The following UBE2R2 variants were observed in gnomAD, a reference collection of about 807,000 sequenced individuals.
UBE2R2 encodes the protein ubiquitin-conjugating enzyme E2 R2.
UBE2R2 carries 1 observed loss-of-function variant against 27.8 expected under a neutral mutation model. The ratio of observed to expected loss-of-function variants is 0.04; its 90% CI spans 0.01 to 0.17. The LOEUF (loss-of-function observed/expected upper bound fraction) is 0.17. Among genes scored for constraint, UBE2R2 ranks in the 10% least tolerant of loss-of-function variants. The pLI is 1.00. For synonymous variants in UBE2R2, 106 were observed against 113.3 expected (o/e 0.94, Z 0.41); for missense variants, 100 against 291.0 (o/e 0.34, Z 4.78).
intron 1 of UBE2R2, among the ~76,000 whole-genome samples, chr9:33,856,791 C>G (rs1273331043): frequency 6.6e-6 from 1 of 151,196 alleles, no homozygotes; most frequent in Non-Finnish European, 1.5e-5. Context: ...ACTGTAAAAC[C>G]CCTTTACTTC....
intron 1 of UBE2R2, among the ~76,000 whole-genome samples, chr9:33,879,884 T>G (rs1042068843): frequency 6.7e-6 from 1 of 150,252 alleles, no homozygotes. Flanking sequence ...TGTTTGTTTG[T>G]TTGGTTTTGT....
chr9:33,912,073 G>A lies in UBE2R2; in HGVS notation c.472G>A (p.Asp158Asn). The A allele has an allele frequency of 6.2e-7, 1 of 1,610,632 alleles. No individual in the cohort carries two copies. The highest frequency in any genetic ancestry group is 8.5e-7 in the Non-Finnish European group (1 of 1,178,762). The change falls in exon 4 of 5, where the codon GAC (aspartate) becomes AAC (asparagine). Residue 158 changes from aspartate to asparagine, a missense_variant. Asp to Asn is a conservative substitution (Grantham distance 23). Transcript: ENST00000263228. Reference sequence around the variant, plus strand: ...GAAATGGAGAGACAGTAAAGGAAAAGACAAAGAATATGCTGAAATTATTAG... The same window carrying A: ...GAAATGGAGAGACAGTAAAGGAAAAAACAAAGAATATGCTGAAATTATTAG... ...FRKWRDSKGK[D>N]KEYAEIIRKQ... is the part of the protein sequence containing the mutation.
At chr9:33,903,039 C>T (rs188737516) in intron 3 of UBE2R2, among the ~76,000 whole-genome samples, 113 of 151,730 alleles carry the variant, frequency 7.4e-4, no homozygotes, top group African/African-American at 2.3e-3. Context: ...GCGGAGGTTG[C>T]GGTGAGCCAG....
At chr9:33,900,925 C>T (rs986284004) in intron 3 of UBE2R2, among the ~76,000 whole-genome samples, 5 of 151,958 alleles carry the variant, frequency 3.3e-5, no homozygotes, top group Non-Finnish European at 7.4e-5. Flanking sequence ...CTCTCTGTCT[C>T]TGTCTCTCTC....
At chr9:33,870,868 G>T (rs1286521967) in intron 1 of UBE2R2, among the ~76,000 whole-genome samples, 1 of 152,108 alleles carries the variant, frequency 6.6e-6, no homozygotes, top group Non-Finnish European at 1.5e-5. Flanking sequence ...AAAACTGAGA[G>T]TTGTCCTTGA....
intron 3 of UBE2R2, among the ~76,000 whole-genome samples, chr9:33,906,031 G>A (rs1486126612): frequency 6.6e-6 from 1 of 152,218 alleles, no homozygotes; most frequent in Non-Finnish European, 1.5e-5. Context: ...GTGCACATGT[G>A]CATACATGCA....
chr9:33,827,948 G>A (rs992690095), intron 1 of UBE2R2, among the ~76,000 whole-genome samples: 5 of 151,252 alleles, frequency 3.3e-5, no homozygotes, highest in African/African-American at 4.8e-5. Flanking sequence ...TCCAGCCTGG[G>A]CGACATAGCA....
intron 1 of UBE2R2, among the ~76,000 whole-genome samples, chr9:33,876,424 A>G (rs930205413): frequency 6.6e-6 from 1 of 152,218 alleles, no homozygotes; most frequent in Admixed American, 6.5e-5. Context: ...AGATAGAGAT[A>G]AAATTGTATA....
In UBE2R2 at chr9:33,917,377, T is replaced by G; in HGVS notation, c.*140T>G. On this transcript the variant is annotated 3_prime_UTR_variant, in exon 5 of 5. Coordinates refer to ENST00000263228, the MANE Select transcript of UBE2R2 (RefSeq NM_017811.4). The stretch of plus-strand genomic sequence containing the variant: ...CACACACAGCTCCTGCTGACTCCCC[T>G]TATGGATCTCAGTTTGCTCCTTTTT... 7.6e-7 allele frequency: 1 copy of G among 1,311,858 alleles called. No homozygotes were observed. The highest frequency in any genetic ancestry group is 1.0e-6 in the Non-Finnish European group (1 of 964,722). The allele number at this position is 1,311,858 out of a possible 1,614,324, so 81.3% of individuals were successfully genotyped here.
At chr9:33,874,406 A>G (rs569912519) in intron 1 of UBE2R2, among the ~76,000 whole-genome samples, 3 of 152,268 alleles carry the variant, frequency 2.0e-5, no homozygotes, top group South Asian at 2.1e-4. Flanking sequence ...TATATCAGTC[A>G]TAAAGAAGTT....
chr9:33,861,703 C>T (rs965785947), intron 1 of UBE2R2, among the ~76,000 whole-genome samples: 27 of 152,052 alleles, frequency 1.8e-4, no homozygotes, highest in African/African-American at 5.3e-4. Context: ...TGTACTTTTT[C>T]AAAAGCAGTA....
chr9:33,906,876 A>G (rs941920257), intron 3 of UBE2R2, among the ~76,000 whole-genome samples: 2 of 152,120 alleles, frequency 1.3e-5, no homozygotes, highest in Non-Finnish European at 2.9e-5. Flanking sequence ...ATCTCTACCA[A>G]AAAAATTAGC....
chr9:33,833,821 G>A (rs932946776), intron 1 of UBE2R2, among the ~76,000 whole-genome samples: 1 of 152,066 alleles, frequency 6.6e-6, no homozygotes, highest in Non-Finnish European at 1.5e-5. Flanking sequence ...TCATTCTCTG[G>A]TAATCTCAAT....
Position 33,917,702 on chromosome 9 carries a change from TAAAAAA to T in UBE2R2, c.*475_*480del. On this transcript the variant is annotated 3_prime_UTR_variant, in exon 5 of 5. Coordinates refer to ENST00000263228, the MANE Select transcript of UBE2R2 (RefSeq NM_017811.4). The stretch of plus-strand genomic sequence containing the variant: ...GGAAAAAAACCCACAAAACAAACTT[TAAAAAA>T]AAAAAAAAACAAATTTGCCAAGGTT... 1 of 149,828 alleles carries T rather than the reference TAAAAAA, an allele frequency of 6.7e-6. No individual in the cohort carries two copies. Among genetic ancestry groups the T allele is most frequent in the Non-Finnish European group, 1.4e-5 (1 of 71,752 alleles). The allele number at this position is 149,828 out of a possible 1,614,324, so 9.3% of individuals were successfully genotyped here.
intron 1 of UBE2R2, among the ~76,000 whole-genome samples, chr9:33,877,766 A>G (rs920844079): frequency 2.0e-5 from 3 of 150,124 alleles, no homozygotes; most frequent in Non-Finnish European, 4.4e-5. Context: ...AAAATTAGCA[A>G]TATATAAAAC....
At chr9:33,827,640 TAA>T (rs138908540) in intron 1 of UBE2R2, among the ~76,000 whole-genome samples, 1 of 145,496 alleles carries the variant, frequency 6.9e-6, no homozygotes, top group African/African-American at 2.5e-5. Context: ...AAATTCCATC[TAA>T]AAAAAAAAAT....
chr9:33,831,219 A>C (rs1198423171), intron 1 of UBE2R2: 1 of 151,954 alleles, frequency 6.6e-6, no homozygotes, highest in African/African-American at 2.4e-5. Context: ...AGGCTGGTGG[A>C]TCTCTTGAGC....
chr9:33,846,638 A>G (rs1426917498), intron 1 of UBE2R2, among the ~76,000 whole-genome samples: 2 of 152,208 alleles, frequency 1.3e-5, no homozygotes, highest in African/African-American at 4.8e-5. Context: ...GTAATTTTGT[A>G]GTATATCATG....
intron 1 of UBE2R2, among the ~76,000 whole-genome samples, chr9:33,878,669 C>T (rs760432879): frequency 2.0e-5 from 3 of 152,104 alleles, no homozygotes; most frequent in Admixed American, 6.6e-5. Flanking sequence ...AAATACATTG[C>T]GAGGGATGCC....
Sources: gnomAD v4.1 joint callset for allele counts (sites outside exome capture counted in the v4.1 genomes callset) on GRCh38, gnomAD v4.1.1 for gene constraint, MANE v1.5 for transcripts, NCBI Gene and HGNC (gene_info 2026-07-23, HGNC 2026-07-21) for gene names.